Variants in STK3 observed in about 807,000 individuals in gnomAD.
STK3 encodes the protein serine/threonine kinase 3, also known as serine/threonine-protein kinase 3.
A neutral mutation model predicts 58.0 loss-of-function variants in STK3; 41 were observed. The ratio of observed to expected loss-of-function variants is 0.71; its 90% CI spans 0.55 to 0.92. The LOEUF is 0.92. Ranked by LOEUF, STK3 falls within the 40% of genes least tolerant of loss-of-function variation. The pLI is 0.00. For synonymous variants in STK3, 170 were observed against 191.0 expected (o/e 0.89, Z 0.91); for missense variants, 479 against 602.7 (o/e 0.79, Z 2.15).
chr8:98,410,265 A>G (rs1818040208), intron 3 of STK3, among the ~76,000 whole-genome samples: 1 of 152,162 alleles, frequency 6.6e-6, no homozygotes, highest in East Asian at 1.9e-4. Flanking sequence ...CTCCCTAGTG[A>G]AAACACATGT....
chr8:98,586,001 G>C (rs549056080), intron 7 of STK3, among the ~76,000 whole-genome samples: 19 of 152,326 alleles, frequency 1.2e-4, no homozygotes, highest in East Asian at 5.8e-4. Context: ...TTTGGGCTAA[G>C]ACAATGGGGT....
intron 6 of STK3, among the ~76,000 whole-genome samples, chr8:98,650,644 T>A (rs1004615345): frequency 9.2e-5 from 14 of 152,224 alleles, no homozygotes; most frequent in Admixed American, 3.3e-4. Context: ...CCTAATACTG[T>A]GCTTTTCCGA....
intron 10 of STK3, among the ~76,000 whole-genome samples, chr8:98,506,821 T>C (rs1029125059): frequency 1.3e-5 from 2 of 152,254 alleles, no homozygotes; most frequent in Admixed American, 6.5e-5. Flanking sequence ...GGAGGGATTG[T>C]AGCCCTGCTG....
chr8:98,589,911 A>G (rs1815122930), intron 7 of STK3, among the ~76,000 whole-genome samples: 1 of 151,868 alleles, frequency 6.6e-6, no homozygotes, highest in Admixed American at 6.6e-5. Flanking sequence ...GAACCCCCTG[A>G]CCCCTTGCAC....
Position 98,558,932 on chromosome 8 carries a change from T to C in STK3, c.949-10771A>G, listed in dbSNP as rs77408261. ...ATTCAAAAGAAGACTACTTGAAACATGCTAAAGTAACAATATTGATTTTAA... is the reference window on the plus strand; with the variant it reads ...ATTCAAAAGAAGACTACTTGAAACACGCTAAAGTAACAATATTGATTTTAA... On this transcript the variant is annotated intron_variant, in intron 8 of 10. Transcript: ENST00000419617. Among the ~76,000 whole-genome samples, 195 of 152,216 alleles carry C rather than the reference T, an allele frequency of 1.3e-3. 2 individuals are homozygous for C. Among genetic ancestry groups the C allele is most frequent in the African/African-American group, 4.5e-3 (186 of 41,560 alleles).
At chr8:98,649,219 G>C (rs935699065) in intron 6 of STK3, among the ~76,000 whole-genome samples, 4 of 151,432 alleles carry the variant, frequency 2.6e-5, no homozygotes, top group Non-Finnish European at 5.9e-5. Context: ...CTAATTTGTA[G>C]TTTTTTTTAA....
intron 1 of STK3, among the ~76,000 whole-genome samples, chr8:98,939,042 G>A (rs928412385): frequency 6.6e-6 from 1 of 152,210 alleles, no homozygotes; most frequent in African/African-American, 2.4e-5. Flanking sequence ...TCCTTGCGGG[G>A]AGGGGTACAG....
intron 10 of STK3, among the ~76,000 whole-genome samples, chr8:98,488,749 G>C (rs1407036293): frequency 6.6e-6 from 1 of 152,176 alleles, no homozygotes; most frequent in Non-Finnish European, 1.5e-5. Flanking sequence ...TGAAAATGCA[G>C]AGAAGTGGTA....
intron 2 of STK3, among the ~76,000 whole-genome samples, chr8:98,375,857 A>G (rs1817669128): frequency 2.0e-5 from 3 of 152,194 alleles, no homozygotes; most frequent in Non-Finnish European, 4.4e-5. Flanking sequence ...TTATAAATAA[A>G]GGTACTTATT....
At chr8:98,863,711 A>G (rs540769214) in intron 3 of STK3, among the ~76,000 whole-genome samples, 1 of 152,352 alleles carries the variant, frequency 6.6e-6, no homozygotes, top group South Asian at 2.1e-4. Flanking sequence ...TTGGGAAAGA[A>G]GTACAAGGTA....
intron 3 of STK3, among the ~76,000 whole-genome samples, chr8:98,858,897 TAAAAA>T (rs762055696): frequency 1.2e-5 from 1 of 80,526 alleles, no homozygotes; most frequent in Non-Finnish European, 2.5e-5. Context: ...AGACTCCATC[TAAAAA>T]AAAAAAAAAA....
In STK3 at chr8:98,909,597, A is replaced by G. The variant is rs190872847; in HGVS notation, c.-78-25763T>C. Among the ~76,000 whole-genome samples, 17 of 152,320 alleles carry G rather than the reference A, an allele frequency of 1.1e-4. No individual in the cohort carries two copies. The East Asian group carries it at 3.1e-3, about 28-fold the overall frequency. On this transcript the variant is annotated intron_variant, in intron 1 of 1. Transcript: ENST00000519420. ...CTCTTCTGGACTTTCATACAAATTGAATCATATATTATGTGGTCCTTTGTG... is the reference window on the plus strand; with the variant it reads ...CTCTTCTGGACTTTCATACAAATTGGATCATATATTATGTGGTCCTTTGTG...
the STK3 span, among the ~76,000 whole-genome samples, chr8:98,359,085 A>C: frequency 6.6e-6 from 1 of 152,136 alleles, no homozygotes; most frequent in African/African-American, 2.4e-5. Flanking sequence ...TCTAGGGAAG[A>C]GATGTGAGCT....
At chr8:98,486,819 G>A (rs1376587791) in intron 10 of STK3, among the ~76,000 whole-genome samples, 1 of 152,198 alleles carries the variant, frequency 6.6e-6, no homozygotes, top group Non-Finnish European at 1.5e-5. Context: ...AGTTCCAGGT[G>A]TCGTTTAGTA....
chr8:98,931,857 T>C (rs771303429), intron 1 of STK3, among the ~76,000 whole-genome samples: 3 of 152,254 alleles, frequency 2.0e-5, no homozygotes, highest in Non-Finnish European at 4.4e-5. Flanking sequence ...CCTTAATTGA[T>C]TTCGCCTTCA....
upstream of STK3, among the ~76,000 whole-genome samples, chr8:98,827,294 A>G (rs1835350354): frequency 6.6e-6 from 1 of 152,268 alleles, no homozygotes; most frequent in Non-Finnish European, 1.5e-5. Flanking sequence ...AGATCGCGCC[A>G]CTGCACTCCA....
At chr8:98,462,995 T>C (rs889291852) in intron 10 of STK3, 22 of 152,232 alleles carry the variant, frequency 1.4e-4, no homozygotes, top group African/African-American at 4.6e-4. Context: ...ACAGGGGCCA[T>C]GCTAATCTTC....
At chr8:98,751,775 T>C (rs573030596) in intron 3 of STK3, among the ~76,000 whole-genome samples, 15 of 152,196 alleles carry the variant, frequency 9.9e-5, no homozygotes, top group African/African-American at 3.4e-4. Flanking sequence ...CCCCCATCTC[T>C]ACTACAAATA....
At chr8:98,623,408 G>T (rs569033368) in intron 6 of STK3, among the ~76,000 whole-genome samples, 3 of 152,230 alleles carry the variant, frequency 2.0e-5, no homozygotes, top group Non-Finnish European at 2.9e-5. Flanking sequence ...GTTAAATGAG[G>T]TCATAAAGGT....
Sources: gnomAD v4.1 joint callset for allele counts (sites outside exome capture counted in the v4.1 genomes callset) on GRCh38, gnomAD v4.1.1 for gene constraint, MANE v1.5 for transcripts, NCBI Gene and HGNC (gene_info 2026-07-23, HGNC 2026-07-21) for gene names.